Variants in LTBP2 observed in about 807,000 individuals in gnomAD.
The protein encoded by LTBP2 is latent transforming growth factor beta binding protein 2.
Under a neutral mutation model 210.6 loss-of-function variants are expected in LTBP2, and 103 were observed. The observed-to-expected ratio is 0.49, with a 90% CI of 0.42 to 0.58. The LOEUF is 0.58. Among genes scored for constraint, LTBP2 ranks in the 20% least tolerant of loss-of-function variants. The pLI, the probability that LTBP2 is intolerant of heterozygous loss-of-function variation, is 0.00. For missense variants in LTBP2, 2,313 were observed against 2,494.5 expected (o/e 0.93, Z 1.55); for synonymous variants, 1,007 against 1,015.0 (o/e 0.99, Z 0.15).
At chr14:74,534,310 G>A (rs777486462) in intron 9 of LTBP2, among the ~76,000 whole-genome samples, 10 of 152,170 alleles carry the variant, frequency 6.6e-5, no homozygotes, top group African/African-American at 9.7e-5. Context: ...TAAACAGGTG[G>A]CTCTGATGAG....
intron 8 of LTBP2, among the ~76,000 whole-genome samples, chr14:74,539,264 G>A (rs902226422): frequency 6.6e-6 from 1 of 152,246 alleles, no homozygotes. Flanking sequence ...AGTTGCTGGA[G>A]CAGAGGCAGG....
chr14:74,541,919 C>T (rs935788775), intron 8 of LTBP2, among the ~76,000 whole-genome samples: 2 of 152,170 alleles, frequency 1.3e-5, no homozygotes, highest in Admixed American at 1.3e-4. Flanking sequence ...TCAGCCAGAT[C>T]AAGGTTATCA....
At chr14:74,556,048 A>G (rs60293700) in intron 3 of LTBP2, among the ~76,000 whole-genome samples, 4,195 of 152,244 alleles carry the variant, frequency 0.028, 194 homozygotes, top group African/African-American at 0.093. Context: ...TTGAGAACCC[A>G]CTATGGACCA....
Position 74,612,036 on chromosome 14 carries a change from C to A in LTBP2, c.-92G>T, listed in dbSNP as rs1044546069. The A allele has an allele frequency of 7.5e-7, 1 of 1,339,252 alleles. No individual in the cohort carries two copies. Among genetic ancestry groups the A allele is most frequent in the Non-Finnish European group, 9.7e-7 (1 of 1,031,804 alleles). The allele number at this position is 1,339,252 out of a possible 1,614,324, so 83.0% of individuals were successfully genotyped here. A position where few individuals can be genotyped will look rare whatever the true frequency, so the allele number is the denominator to read the frequency against. On this transcript the variant is annotated 5_prime_UTR_variant, in exon 1 of 36. Coordinates refer to ENST00000261978, the MANE Select transcript of LTBP2 (RefSeq NM_000428.3). Reference sequence around the variant, plus strand: ...CGCCCGCGGGCTGTTCTCCCGGCCCCGCCCGGCGGCCAGCTTCTCTGAGTC... The same window carrying A: ...CGCCCGCGGGCTGTTCTCCCGGCCCAGCCCGGCGGCCAGCTTCTCTGAGTC...
At chr14:74,550,600 G>A (rs1267324582) in intron 7 of LTBP2, among the ~76,000 whole-genome samples, 1 of 152,180 alleles carries the variant, frequency 6.6e-6, no homozygotes, top group Non-Finnish European at 1.5e-5. Context: ...GGTTCCAGAG[G>A]GCAATAGGAG....
rs777935347 is a variant in LTBP2 at position 74,549,911 on chromosome 14, C to G, written c.1741G>C (p.Gly581Arg). Residue 581 changes from glycine (G) to arginine (R), a missense_variant, in exon 8 of 36, where the codon GGA becomes CGA. By Grantham distance (125) the Gly-to-Arg change is moderately radical (BLOSUM62 -2). Transcript: ENST00000261978. ...CACAAAGTCACCCCCCAGAAGGCTC[C>G]CACACTGCCACAGCAGTCCTCCTGG... is the stretch of plus-strand genomic sequence containing the variant. ...TTQEDCCGSVGAFWGVTLCAP... is the reference protein window; with the variant it reads ...TTQEDCCGSVRAFWGVTLCAP... 6.2e-7 allele frequency: 1 copy of G among 1,614,174 alleles called. No individual in the cohort carries two copies. The highest frequency in any genetic ancestry group is 1.1e-5 in the South Asian group (1 of 91,086).
At chr14:74,573,087 T>G (rs912708680) in intron 3 of LTBP2, among the ~76,000 whole-genome samples, 1 of 152,242 alleles carries the variant, frequency 6.6e-6, no homozygotes, top group Non-Finnish European at 1.5e-5. Context: ...TGTAGTTTTC[T>G]GAAAAGACGC....
In LTBP2 at chr14:74,612,104, G is replaced by C. The variant is rs936924973; in HGVS notation, c.-160C>G. On this transcript the variant is annotated 5_prime_UTR_variant, in exon 1 of 36. Transcript: ENST00000261978. ...GCCGACTGGGGGCCCGGCTCTCGGCGGAACGAGGGCTGCGCGCCCCGAGCC... is the reference window on the plus strand; with the variant it reads ...GCCGACTGGGGGCCCGGCTCTCGGCCGAACGAGGGCTGCGCGCCCCGAGCC... The C allele has an allele frequency of 4.8e-5, 35 of 734,450 alleles. No individual in the cohort carries two copies. The highest frequency in any genetic ancestry group is 7.8e-5 in the Admixed American group (2 of 25,512). The allele number at this position is 734,450 out of a possible 1,614,324, so 45.5% of individuals were successfully genotyped here. A position where few individuals can be genotyped will look rare whatever the true frequency, so the allele number is the denominator to read the frequency against.
At chr14:74,535,883 GC>G in intron 9 of LTBP2, 42 bp downstream of exon 9, 1 of 1,545,600 alleles carries the variant, frequency 6.5e-7, no homozygotes, top group East Asian at 2.2e-5. Context: ...CTGGGAGTGT[GC>G]CCCGGCATCC....
Position 74,611,660 on chromosome 14 carries a change from G to A in LTBP2, c.285C>T (p.Pro95=), listed in dbSNP as rs2088612261. Residue 95 remains proline (P), a synonymous_variant, in exon 1 of 36, where the codon CCC becomes CCT. Coordinates refer to ENST00000261978, the MANE Select transcript of LTBP2 (RefSeq NM_000428.3). ...TGGCCTCCGCCTCGGTGGGCCTCCT[G>A]GGGCTCCCCCAGCCCGGCTGGGCCC... is the stretch of plus-strand genomic sequence containing the variant. ...VERAQPGWGS[P]RRPTEAEARR... 1.9e-6 allele frequency: 3 copies of A among 1,558,688 alleles called. No individual in the cohort carries two copies. The highest frequency in any genetic ancestry group is 2.6e-6 in the Non-Finnish European group (3 of 1,158,074).
chr14:74,592,275 G>A (rs1200638711), intron 2 of LTBP2, among the ~76,000 whole-genome samples: 2 of 152,234 alleles, frequency 1.3e-5, no homozygotes, highest in Non-Finnish European at 2.9e-5. Context: ...TCCATGCGGT[G>A]CTGTGGGAAT....
Position 74,552,882 on chromosome 14 carries a change from AGG to A in LTBP2, c.1192+8_1192+9del, listed in dbSNP as rs748107623. On this transcript the variant is annotated splice_region_variant and intron_variant, in intron 5 of 35. Coordinates refer to ENST00000261978, the MANE Select transcript of LTBP2 (RefSeq NM_000428.3). ...CAGCTGGGAACCATCTGAGCAGGAA[AGG>A]GACTCACAGATGCGGAAGCCAGACT... 6.2e-7 allele frequency: 1 copy of A among 1,610,724 alleles called. No homozygotes were observed. The highest frequency in any genetic ancestry group is 1.8e-4 in the Middle Eastern group (1 of 5,612).
chr14:74,612,146 A>T lies in LTBP2; in HGVS notation c.-202T>A. 1.9e-6 allele frequency: 1 copy of T among 538,174 alleles called. No homozygotes were observed. Among genetic ancestry groups the T allele is most frequent in the Non-Finnish European group, 3.1e-6 (1 of 318,576 alleles). 33.3% of individuals were successfully genotyped at this position (538,174 alleles called of 1,614,324 possible). ...CCCCGAGCCTCGAGTCCGCGCTCCTACTCCAGCTGGGCTCGCACGGCTGCT... is the reference window on the plus strand; with the variant it reads ...CCCCGAGCCTCGAGTCCGCGCTCCTTCTCCAGCTGGGCTCGCACGGCTGCT... On this transcript the variant is annotated 5_prime_UTR_variant, in exon 1 of 36. Coordinates refer to ENST00000261978, the MANE Select transcript of LTBP2 (RefSeq NM_000428.3).
At chr14:74,569,854 C>CA (rs552848952) in intron 3 of LTBP2, among the ~76,000 whole-genome samples, 209 of 152,228 alleles carry the variant, frequency 1.4e-3, no homozygotes, top group Non-Finnish European at 2.6e-3. Context: ...GTAGCTGGCC[C>CA]AAGCTCACGT....
chr14:74,499,285 A>G lies in LTBP2; in HGVS notation c.*1599T>C, dbSNP rs1032159283. ...TGACTTATTTTTGTCTGCTGAAAAC[A>G]TCTCAATTAGTATAGGGACCTAGAG... On this transcript the variant is annotated 3_prime_UTR_variant, in exon 36 of 36. Transcript: ENST00000261978. 4.6e-6 allele frequency: 1 copy of G among 219,604 alleles called. No individual in the cohort carries two copies. Among genetic ancestry groups the G allele is most frequent in the Non-Finnish European group, 9.1e-6 (1 of 109,386 alleles). 13.6% of individuals were successfully genotyped at this position (219,604 alleles called of 1,614,324 possible).
intron 8 of LTBP2, among the ~76,000 whole-genome samples, chr14:74,542,511 G>A (rs1395081162): frequency 6.6e-6 from 1 of 152,204 alleles, no homozygotes; most frequent in Non-Finnish European, 1.5e-5. Context: ...GATGTGAAAG[G>A]TCCCTACCAC....
chr14:74,601,921 T>C (rs2088453374), intron 2 of LTBP2, among the ~76,000 whole-genome samples: 1 of 151,874 alleles, frequency 6.6e-6, no homozygotes, highest in Non-Finnish European at 1.5e-5. Context: ...AGACTGAGGC[T>C]TTGCAGCCAG....
chr14:74,503,569 G>T lies in LTBP2; in HGVS notation c.4620C>A (p.Gly1540=). 1 of 1,613,804 alleles carries T rather than the reference G, an allele frequency of 6.2e-7. No homozygotes were observed. Residue 1540 remains glycine (G), a synonymous_variant, in exon 32 of 36, where the codon GGC becomes GGA. Coordinates refer to ENST00000261978, the MANE Select transcript of LTBP2 (RefSeq NM_000428.3). ...DECQDLACEN[G]ECVNTEGSFH... is the part of the protein sequence containing the mutation. ...AGGAGCCCTCCGTGTTGACGCACTC[G>T]CCATTCTCACAGGCCAGGTCCTGGC...
chr14:74,571,737 C>A (rs1424937632), intron 3 of LTBP2, among the ~76,000 whole-genome samples: 1 of 152,198 alleles, frequency 6.6e-6, no homozygotes, highest in Non-Finnish European at 1.5e-5. Flanking sequence ...CCTCAAGTGG[C>A]CTCTGCTGCG....
Sources: gnomAD v4.1 joint callset for allele counts (sites outside exome capture counted in the v4.1 genomes callset) on GRCh38, gnomAD v4.1.1 for gene constraint, MANE v1.5 for transcripts, NCBI Gene and HGNC (gene_info 2026-07-23, HGNC 2026-07-21) for gene names.